Variants in RGS7 observed in about 807,000 individuals in gnomAD.
RGS7 encodes regulator of G-protein signaling 7.
A neutral mutation model predicts 81.1 loss-of-function variants in RGS7; 27 were observed. The observed-to-expected ratio is 0.33, with a 90% CI of 0.25 to 0.46. The LOEUF (loss-of-function observed/expected upper bound fraction) is 0.46. Among genes scored for constraint, RGS7 ranks in the 20% least tolerant of loss-of-function variants. The pLI is 1.00. For synonymous variants in RGS7, 208 were observed against 207.7 expected (o/e 1.00, Z -0.01); for missense variants, 396 against 607.4 (o/e 0.65, Z 3.66).
At chr1:240,916,945 A>G (rs2148281345) in intron 6 of RGS7, among the ~76,000 whole-genome samples, 1 of 152,374 alleles carries the variant, frequency 6.6e-6, no homozygotes, top group East Asian at 1.9e-4. Flanking sequence ...GCAACCACAG[A>G]CATATCACAT....
chr1:240,818,533 C>G (rs576680633), intron 10 of RGS7, among the ~76,000 whole-genome samples: 4 of 152,114 alleles, frequency 2.6e-5, no homozygotes, highest in Non-Finnish European at 4.4e-5. Flanking sequence ...AATAAAACAA[C>G]CTTCTGAATT....
At position 241,342,134 on chromosome 1, in the gene RGS7, A is replaced by ACC. The variant is rs2082598668; in HGVS notation, c.78+13564_78+13565insGG. ...AGAAATCTGTCCACCTCAGCCTTCC[A>ACC]AAGTGCTGGGATTACAGGCATGAAC... On this transcript the variant is annotated intron_variant, in intron 2 of 18. Coordinates refer to ENST00000440928, the MANE Select transcript of RGS7 (RefSeq NM_001364886.1). Among the ~76,000 whole-genome samples the ACC allele has an allele frequency of 6.6e-5, 10 of 152,170 alleles. No homozygotes were observed. In the East Asian group the frequency reaches 1.9e-3, roughly 29 times the overall value.
intron 10 of RGS7, chr1:240,823,155 T>C: frequency 8.6e-7 from 1 of 1,162,460 alleles, no homozygotes; most frequent in Non-Finnish European, 1.3e-6. Context: ...CATTGGGGAT[T>C]TCCCCATAGA....
chr1:240,918,775 A>T lies in RGS7; in HGVS notation c.385+11942T>A, dbSNP rs765151081. ...CAATAAAATTGAAAATCAATAGAGA[A>T]ATTCAACGAAACCAAAATCTGGGTG... On this transcript the variant is annotated intron_variant, in intron 6 of 18. Coordinates refer to ENST00000440928, the MANE Select transcript of RGS7 (RefSeq NM_001364886.1). 2.6e-5 allele frequency among the ~76,000 whole-genome samples: 4 copies of T among 152,050 alleles called. No homozygotes were observed. The East Asian group carries it at 7.7e-4, about 29-fold the overall frequency.
At chr1:240,784,913 G>A (rs912329667) in intron 18 of RGS7, among the ~76,000 whole-genome samples, 8 of 152,004 alleles carry the variant, frequency 5.3e-5, no homozygotes, top group Non-Finnish European at 8.8e-5. Flanking sequence ...CCACAGCTAT[G>A]TTAATAAAAA....
intron 2 of RGS7, among the ~76,000 whole-genome samples, chr1:241,238,327 G>T (rs1031823253): frequency 8.5e-5 from 13 of 152,182 alleles, no homozygotes; most frequent in African/African-American, 3.1e-4. Context: ...CTATGACCTT[G>T]TATAGATAAT....
At chr1:241,259,650 C>CAAAAAAAAAAAAAAAAAAAAAAAAAAAA (rs71571832) in intron 2 of RGS7, among the ~76,000 whole-genome samples, 3 of 39,912 alleles carry the variant, frequency 7.5e-5, no homozygotes, top group Non-Finnish European at 8.3e-5. Flanking sequence ...AACTCCGTCT[C>CAAAAAAAAAAAAAAAAAAAAAAAAAAAA]AAAAAAAAAA....
At chr1:241,135,429 C>CAACA (rs1310043524) in intron 2 of RGS7, among the ~76,000 whole-genome samples, 1 of 150,460 alleles carries the variant, frequency 6.6e-6, no homozygotes, top group Non-Finnish European at 1.5e-5. Flanking sequence ...TCCGTCTGAA[C>CAACA]AACAACAACA....
rs1030516120 is a variant in RGS7, at chr1:241,160,149, G to GAA, written c.79-61389_79-61388dup. 5.6e-5 allele frequency among the ~76,000 whole-genome samples: 8 copies of GAA among 143,718 alleles called. 1 individual carries two copies. Among genetic ancestry groups the GAA allele is most frequent in the Admixed American group, 5.5e-4 (8 of 14,448 alleles). The allele number at this position is 143,718 out of a possible 152,430, so 94.3% of individuals were successfully genotyped here. On this transcript the variant is annotated intron_variant, in intron 2 of 18. Coordinates refer to ENST00000440928, the MANE Select transcript of RGS7 (RefSeq NM_001364886.1). ...AAAAAAAGAAAAAGAAAAAGAAAAA[G>GAA]AAATAGGGTTTTCATCTGGAAATAT... is the stretch of plus-strand genomic sequence containing the variant.
intron 2 of RGS7, among the ~76,000 whole-genome samples, chr1:241,289,377 C>T (rs537331502): frequency 6.6e-6 from 1 of 152,154 alleles, no homozygotes. Context: ...TGGGAAACTC[C>T]CCTTGATCCA....
chr1:241,036,566 A>G (rs1422728736), intron 3 of RGS7, among the ~76,000 whole-genome samples: 1 of 152,228 alleles, frequency 6.6e-6, no homozygotes, highest in African/African-American at 2.4e-5. Flanking sequence ...CATGCTTCTC[A>G]TTCTAAAAAT....
chr1:241,354,623 C>G (rs185766064), intron 2 of RGS7, among the ~76,000 whole-genome samples: 141 of 152,274 alleles, frequency 9.3e-4, no homozygotes, highest in African/African-American at 3.3e-3. Context: ...TGATTTAGTG[C>G]AGGTTAAAGT....
intron 2 of RGS7, among the ~76,000 whole-genome samples, chr1:241,351,674 G>A (rs1029642688): frequency 1.3e-5 from 2 of 152,180 alleles, no homozygotes; most frequent in Non-Finnish European, 2.9e-5. Context: ...TGCAAAGCAA[G>A]AGACTATATA....
chr1:241,237,968 G>A (rs570550804), intron 2 of RGS7, among the ~76,000 whole-genome samples: 1 of 152,156 alleles, frequency 6.6e-6, no homozygotes, highest in Non-Finnish European at 1.5e-5. Context: ...GTCTCTCAGC[G>A]TGAGTCTAAA....
At chr1:241,101,170 A>G (rs886685841) in intron 2 of RGS7, among the ~76,000 whole-genome samples, 2 of 152,240 alleles carry the variant, frequency 1.3e-5, no homozygotes, top group African/African-American at 4.8e-5. Flanking sequence ...CTTTATGGTT[A>G]TAGTTCTCAG....
intron 2 of RGS7, among the ~76,000 whole-genome samples, chr1:241,294,128 A>G (rs919031948): frequency 2.6e-5 from 4 of 152,226 alleles, no homozygotes; most frequent in African/African-American, 4.8e-5. Context: ...GAATGAGTTC[A>G]TGTCCTTTGC....
At chr1:241,309,141 C>G (rs1172887743) in intron 2 of RGS7, among the ~76,000 whole-genome samples, 1 of 152,006 alleles carries the variant, frequency 6.6e-6, no homozygotes, top group Admixed American at 6.6e-5. Flanking sequence ...AATCCCAGCA[C>G]TTTGGGAGGC....
chr1:241,231,942 C>T lies in RGS7; in HGVS notation c.78+123757G>A, dbSNP rs145425218. On this transcript the variant is annotated intron_variant, in intron 2 of 18. Coordinates refer to ENST00000440928, the MANE Select transcript of RGS7 (RefSeq NM_001364886.1). ...ATTTTCTACCATGTTTTCTTTTAGA[C>T]GTTTTATAACTTTTGCTCCTCTGTT... 6.8e-3 allele frequency among the ~76,000 whole-genome samples: 1,038 copies of T among 152,182 alleles called. 18 individuals carry two copies. The highest frequency in any genetic ancestry group is 0.023 in the African/African-American group (971 of 41,528).
At chr1:241,332,176 T>C (rs1474739397) in intron 2 of RGS7, among the ~76,000 whole-genome samples, 10 of 152,132 alleles carry the variant, frequency 6.6e-5, no homozygotes, top group Non-Finnish European at 8.8e-5. Flanking sequence ...TGGAGTTAAG[T>C]GAAGCATCAG....
Sources: allele counts gnomAD v4.1 joint callset (sites outside exome capture counted in the v4.1 genomes callset), GRCh38; gene constraint gnomAD v4.1.1; transcripts MANE v1.5; gene names NCBI Gene and HGNC (gene_info 2026-07-23, HGNC 2026-07-21).